TMEM74: variants seen among roughly 807,000 people sequenced by gnomAD.
The protein encoded by TMEM74 is transmembrane protein 74.
In TMEM74, 13 loss-of-function variants were observed where a neutral mutation model predicts 18.1. The observed-to-expected ratio is 0.72, with a 90% CI of 0.47 to 1.14. The LOEUF is 1.14. Among genes scored for constraint, TMEM74 ranks in the 50% most tolerant of loss-of-function variants. The probability of loss-of-function intolerance (pLI) is 0.00; values close to 1 mark genes in which losing one functional copy is unlikely to be tolerated. For synonymous variants in TMEM74, 159 were observed against 146.6 expected (o/e 1.08, Z -0.61); for missense variants, 372 against 375.9 (o/e 0.99, Z 0.09).
At chr8:108,744,899 A>T (rs1438536071) in intron 1 of TMEM74, among the ~76,000 whole-genome samples, 1 of 152,162 alleles carries the variant, frequency 6.6e-6, no homozygotes, top group Non-Finnish European at 1.5e-5. Flanking sequence ...AATGTTGCTA[A>T]CAGCTATTCA....
chr8:108,660,659 A>G (rs776909459), intron 1 of TMEM74, among the ~76,000 whole-genome samples: 13 of 152,306 alleles, frequency 8.5e-5, no homozygotes, highest in South Asian at 2.1e-4. Flanking sequence ...TCTGCCTTAC[A>G]GAGAGCTTGT....
intron 1 of TMEM74, among the ~76,000 whole-genome samples, chr8:108,756,599 A>AAAGAAAGAAAGAAAGAGAAAGGGAGG (rs1586286218): frequency 1.2e-4 from 6 of 51,550 alleles, no homozygotes; most frequent in East Asian, 6.1e-4. Flanking sequence ...AAAGAAAGAG[A>AAAGAAAGAAAGAAAGAGAAAGGGAGG]AAGGAAGGAA....
chr8:108,739,012 C>T (rs1267206513), intron 1 of TMEM74, among the ~76,000 whole-genome samples: 2 of 152,120 alleles, frequency 1.3e-5, no homozygotes, highest in Non-Finnish European at 2.9e-5. Context: ...GTCATACAGT[C>T]ATACTTAACT....
intron 1 of TMEM74, among the ~76,000 whole-genome samples, chr8:108,753,775 A>G (rs1046778599): frequency 2.0e-5 from 3 of 152,078 alleles, no homozygotes; most frequent in Non-Finnish European, 4.4e-5. Context: ...ATGTGAGTTT[A>G]TCATCTTGGA....
Position 108,781,178 on chromosome 8 carries a change from G to T in TMEM74, c.*3003C>A, listed in dbSNP as rs1284535190. Among the ~76,000 whole-genome samples, 1 of 152,102 alleles carries T rather than the reference G, an allele frequency of 6.6e-6. No homozygotes were observed. On this transcript the variant is annotated 3_prime_UTR_variant, in exon 2 of 2. Transcript: ENST00000297459. ...AATAAGCTAAAGACCTAGAACCACT[G>T]AAATATGTTTTTCTTCTCTAGGACT...
At chr8:108,715,686 GAA>G (rs1813516824) in intron 1 of TMEM74, among the ~76,000 whole-genome samples, 1 of 152,002 alleles carries the variant, frequency 6.6e-6, no homozygotes, top group Non-Finnish European at 1.5e-5. Flanking sequence ...AAATAAGTGA[GAA>G]AGCATAAAGT....
chr8:108,696,565 AT>A (rs1202545510), intron 1 of TMEM74, among the ~76,000 whole-genome samples: 10 of 152,188 alleles, frequency 6.6e-5, no homozygotes, highest in African/African-American at 2.4e-4. Context: ...TTACAATCGT[AT>A]TTTTTGTCTT....
intron 1 of TMEM74, among the ~76,000 whole-genome samples, chr8:108,738,822 T>G (rs991977929): frequency 1.3e-5 from 2 of 152,212 alleles, no homozygotes; most frequent in Non-Finnish European, 2.9e-5. Flanking sequence ...GCAGGGCAAC[T>G]CCTGTCATTA....
Position 108,781,803 on chromosome 8 carries a change from A to ATTT in TMEM74, c.*2375_*2377dup, listed in dbSNP as rs1366599491. Among the ~76,000 whole-genome samples the ATTT allele has an allele frequency of 6.6e-6, 1 of 152,050 alleles. No homozygotes were observed. Among genetic ancestry groups the ATTT allele is most frequent in the Non-Finnish European group, 1.5e-5 (1 of 67,976 alleles). ...TTGAATATTTTTTTTCCAAAATGGC[A>ATTT]TTTTTCAAAATGTTACCTCTAGATC... On this transcript the variant is annotated 3_prime_UTR_variant, in exon 2 of 2. Transcript: ENST00000297459.
intron 2 of TMEM74, among the ~76,000 whole-genome samples, chr8:108,633,102 T>C (rs770761900): frequency 9.9e-5 from 15 of 152,014 alleles, no homozygotes; most frequent in Admixed American, 9.2e-4. Context: ...AAGCCTTGGT[T>C]GTTTCTGTGA....
chr8:108,770,717 G>GA (rs1011378899), intron 1 of TMEM74, among the ~76,000 whole-genome samples: 7 of 152,044 alleles, frequency 4.6e-5, no homozygotes, highest in Non-Finnish European at 5.9e-5. Context: ...CTCAGTTGTA[G>GA]AAAAAAATAT....
intron 2 of TMEM74, among the ~76,000 whole-genome samples, chr8:108,636,962 T>A (rs558839803): frequency 1.3e-5 from 2 of 152,186 alleles, no homozygotes; most frequent in African/African-American, 4.8e-5. Flanking sequence ...CAGCTTCCAG[T>A]AGCTCTCTAC....
Position 108,784,933 on chromosome 8 carries a change from C to G in TMEM74, c.166G>C (p.Glu56Gln). 3 of 1,614,144 alleles carry G rather than the reference C, an allele frequency of 1.9e-6. No individual in the cohort carries two copies. The highest frequency in any genetic ancestry group is 1.7e-6 in the Non-Finnish European group (2 of 1,180,018). Residue 56 changes from glutamate to glutamine, a missense_variant, in exon 2 of 2, where the codon GAA becomes CAA. Physicochemically the swap from Glu to Gln is conservative, Grantham distance 29. Transcript: ENST00000297459. ...CASTPRATEM[E>Q]GSKLSSSPAS... is the part of the protein sequence containing the mutation. The stretch of plus-strand genomic sequence containing the variant: ...GGAGAAGAACTAAGTTTAGACCCTT[C>G]CATCTCGGTTGCTCTTGGGGTGGAT...
chr8:108,732,878 A>G (rs1813709990), intron 1 of TMEM74, among the ~76,000 whole-genome samples: 2 of 152,026 alleles, frequency 1.3e-5, no homozygotes, highest in Non-Finnish European at 2.9e-5. Flanking sequence ...AATTGTCTAA[A>G]AAAAATGCAA....
At chr8:108,743,330 C>A (rs1813819902) in intron 1 of TMEM74, among the ~76,000 whole-genome samples, 1 of 152,166 alleles carries the variant, frequency 6.6e-6, no homozygotes, top group Non-Finnish European at 1.5e-5. Flanking sequence ...GCTCAACTCT[C>A]TCTTTTGTAT....
At chr8:108,761,070 T>G (rs1404651612) in intron 1 of TMEM74, among the ~76,000 whole-genome samples, 1 of 152,086 alleles carries the variant, frequency 6.6e-6, no homozygotes, top group Non-Finnish European at 1.5e-5. Context: ...TAATTGAATT[T>G]ATTTACCTTA....
rs1170870827 is a variant in TMEM74 at position 108,668,239 on chromosome 8, C to T, written n.120-12802G>A. ...TTCAAAGAGCTTTTTATAATTATCC[C>T]TCTTTTAGAAATATAACCTCAAAGC... On this transcript the variant is annotated intron_variant and non_coding_transcript_variant, in intron 1 of 3. Coordinates refer to the TMEM74 transcript ENST00000518838. Among the ~76,000 whole-genome samples, 3 of 152,220 alleles carry T rather than the reference C, an allele frequency of 2.0e-5. No individual in the cohort carries two copies. In the South Asian group the frequency reaches 6.2e-4, roughly 32 times the overall value.
chr8:108,626,916 A>G (rs949338409), intron 2 of TMEM74: 1 of 151,956 alleles, frequency 6.6e-6, no homozygotes, highest in African/African-American at 2.4e-5. Flanking sequence ...AGAAATCCAT[A>G]AATGATTTCT....
intron 1 of TMEM74, among the ~76,000 whole-genome samples, chr8:108,772,798 A>T (rs1814187980): frequency 6.6e-6 from 1 of 152,194 alleles, no homozygotes; most frequent in South Asian, 2.1e-4. Flanking sequence ...TCTGCCACTT[A>T]TGAGCTGTGT....
Sources: allele counts gnomAD v4.1 joint callset (sites outside exome capture counted in the v4.1 genomes callset), GRCh38; gene constraint gnomAD v4.1.1; transcripts MANE v1.5; gene names NCBI Gene and HGNC (gene_info 2026-07-23, HGNC 2026-07-21).